The following WAC variants were observed in gnomAD, a reference collection of about 807,000 sequenced individuals.
The protein encoded by WAC is WW domain containing adaptor with coiled-coil.
Under a neutral mutation model 79.6 loss-of-function variants are expected in WAC, and 11 were observed. The observed-to-expected ratio is 0.14, with a 90% confidence interval of 0.09 to 0.23. The LOEUF is 0.23. Among genes scored for constraint, WAC ranks in the 10% least tolerant of loss-of-function variants. WAC has a pLI of 1.00. For synonymous variants in WAC, 304 were observed against 276.9 expected, an observed-to-expected ratio of 1.10 and a Z score of -0.97; for missense variants, 728 against 773.5, an observed-to-expected ratio of 0.94 and a Z score of 0.70.
chr10:28,535,416 TAA>T (rs1463808947), intron 2 of WAC, 144 bp from the exon 3 acceptor site: 2 of 998,002 alleles, frequency 2.0e-6, no homozygotes, highest in Non-Finnish European at 2.8e-6. Context: ...TGAGAAACTT[TAA>T]AGAGTAAAGC....
intron 9 of WAC, 117 bp from the exon 10 acceptor site, chr10:28,611,657 A>C: frequency 7.7e-7 from 1 of 1,300,380 alleles, no homozygotes; most frequent in Non-Finnish European, 1.0e-6. Context: ...TCTGGGTAAT[A>C]TGGGGGTGGG....
chr10:28,608,335 C>T lies in WAC; in HGVS notation c.1069C>T (p.Leu357Phe). The change falls in exon 8 of 14, where the codon CTT becomes TTT. Residue 357 changes from leucine (L) to phenylalanine (F), a missense_variant. By Grantham distance (22) the Leu-to-Phe change is conservative. Transcript: ENST00000354911. The stretch of plus-strand genomic sequence containing the variant: ...TCCACAGTCGCCAATACCTCCCTTA[C>T]TTCAGGACCCAAATCTTCTTAGACA... The part of the protein sequence containing the change: ...PVPQSPIPPL[L>F]QDPNLLRQLL... The T allele has an allele frequency of 1.2e-6, 2 of 1,614,188 alleles. No individual in the cohort carries two copies. The highest frequency in any genetic ancestry group is 1.7e-6 in the Non-Finnish European group (2 of 1,180,024).
intron 8 of WAC, among the ~76,000 whole-genome samples, 189 bp from the exon 9 acceptor site, chr10:28,610,510 C>T: frequency 6.6e-6 from 1 of 150,854 alleles, no homozygotes; most frequent in East Asian, 1.9e-4. Flanking sequence ...CATTAAGTTT[C>T]TTTTTCTCTG....
intron 3 of WAC, among the ~76,000 whole-genome samples, chr10:28,540,858 A>C (rs1222781396): frequency 2.0e-5 from 3 of 152,114 alleles, no homozygotes; most frequent in Non-Finnish European, 4.4e-5. Flanking sequence ...TAGCAGTCTT[A>C]ATGTTTCAAC....
At chr10:28,561,878 TATCTG>T (rs994520673) in intron 3 of WAC, among the ~76,000 whole-genome samples, 6 of 152,180 alleles carry the variant, frequency 3.9e-5, no homozygotes, top group Non-Finnish European at 8.8e-5. Flanking sequence ...ACTAATGCCT[TATCTG>T]AGGTGGAATC....
At chr10:28,555,007 T>C (rs532532847) in intron 3 of WAC, among the ~76,000 whole-genome samples, 7 of 152,330 alleles carry the variant, frequency 4.6e-5, no homozygotes, top group African/African-American at 1.7e-4. Flanking sequence ...GATGATAGTA[T>C]TTTAGTGTCT....
At chr10:28,586,736 T>C (rs989423641) in intron 4 of WAC, among the ~76,000 whole-genome samples, 3 of 152,118 alleles carry the variant, frequency 2.0e-5, no homozygotes, top group Non-Finnish European at 2.9e-5. Context: ...GTATGACTTG[T>C]AGATTATTTT....
At chr10:28,616,132 A>G (rs1841456343) in intron 11 of WAC, 41 bp from the exon 12 acceptor site, 2 of 1,459,526 alleles carry the variant, frequency 1.4e-6, no homozygotes, top group Non-Finnish European at 1.8e-6. Flanking sequence ...ATACCCAGAA[A>G]CTACTTTTAA....
Position 28,548,219 on chromosome 10 carries a change from C to T in WAC, c.274+12462C>T, listed in dbSNP as rs1009993313. Among the ~76,000 whole-genome samples, 4 of 151,896 alleles carry T rather than the reference C, an allele frequency of 2.6e-5. No individual in the cohort carries two copies. The South Asian group carries it at 6.2e-4, about 24-fold the overall frequency. On this transcript the variant is annotated intron_variant, in intron 3 of 13. Transcript: ENST00000354911. Reference sequence around the variant, plus strand: ...ATTTACAGGAGTGAGCCACCACGCCCGGCCAACATTTTAATTTTCTAAAGA... The same window carrying T: ...ATTTACAGGAGTGAGCCACCACGCCTGGCCAACATTTTAATTTTCTAAAGA...
rs746811783 is a variant in WAC, at chr10:28,533,553, C to A, written c.-27C>A. Reference sequence around the variant, plus strand: ...TTTCGCGGCCGCTCTCCCCCCTCCCCGACACACACTCACAGGCCGGGCATT... The same window carrying A: ...TTTCGCGGCCGCTCTCCCCCCTCCCAGACACACACTCACAGGCCGGGCATT... On this transcript the variant is annotated 5_prime_UTR_variant, in exon 1 of 14. Transcript: ENST00000354911. The A allele has an allele frequency of 3.4e-6, 5 of 1,462,710 alleles. No homozygotes were observed. The highest frequency in any genetic ancestry group is 3.7e-6 in the Non-Finnish European group (4 of 1,093,980). The allele number at this position is 1,462,710 out of a possible 1,614,324, so 90.6% of individuals were successfully genotyped here. A position where few individuals can be genotyped will look rare whatever the true frequency, so the allele number is the denominator to read the frequency against.
chr10:28,603,469 A>G (rs981051847), intron 7 of WAC, among the ~76,000 whole-genome samples: 1 of 152,172 alleles, frequency 6.6e-6, no homozygotes, highest in African/African-American at 2.4e-5. Flanking sequence ...AAAACACTAC[A>G]TTCTCTCACG....
chr10:28,574,950 GAATGAATC>G lies in WAC; in HGVS notation c.275-8438_275-8431del, dbSNP rs1373712756. On this transcript the variant is annotated intron_variant, in intron 3 of 13. Transcript: ENST00000354911. The stretch of plus-strand genomic sequence containing the variant: ...TACACAAGTAGATGTTTGAATGAAT[GAATGAATC>G]AATGAATCAAAGAAAAAGTTACATT... Among the ~76,000 whole-genome samples the G allele has an allele frequency of 4.0e-5, 6 of 151,814 alleles. No individual in the cohort carries two copies. The South Asian group carries it at 1.0e-3, about 26-fold the overall frequency.
At chr10:28,552,161 A>C (rs1289281638) in intron 3 of WAC, among the ~76,000 whole-genome samples, 1 of 152,176 alleles carries the variant, frequency 6.6e-6, no homozygotes, top group African/African-American at 2.4e-5. Context: ...AAATCAATAC[A>C]TTATTTGTTA....
chr10:28,567,571 A>G (rs1838717818), intron 3 of WAC, among the ~76,000 whole-genome samples: 1 of 152,128 alleles, frequency 6.6e-6, no homozygotes, highest in Non-Finnish European at 1.5e-5. Context: ...GCAAAGATGT[A>G]GGGTGGCGCA....
chr10:28,615,494 G>T (rs1841430244), intron 11 of WAC: 1 of 152,166 alleles, frequency 6.6e-6, no homozygotes, highest in Non-Finnish European at 1.5e-5. Flanking sequence ...TATCCTCAGT[G>T]ATGAAAACTC....
chr10:28,563,702 C>T (rs1838423324), intron 3 of WAC, among the ~76,000 whole-genome samples: 1 of 146,056 alleles, frequency 6.8e-6, no homozygotes. Flanking sequence ...GCCTCAGCCT[C>T]CTGAGTAGCT....
intron 3 of WAC, among the ~76,000 whole-genome samples, chr10:28,550,237 C>T (rs966601995): frequency 4.6e-5 from 7 of 150,780 alleles, no homozygotes; most frequent in African/African-American, 1.7e-4. Context: ...CTCAGCCACT[C>T]TCTGCCTTCT....
intron 3 of WAC, among the ~76,000 whole-genome samples, chr10:28,561,224 G>T (rs1838284609): frequency 6.6e-6 from 1 of 152,138 alleles, no homozygotes; most frequent in African/African-American, 2.4e-5. Flanking sequence ...AAATATTGAT[G>T]GCCAAGTTAC....
intron 3 of WAC, among the ~76,000 whole-genome samples, chr10:28,582,894 T>G (rs1436514109): frequency 6.6e-6 from 1 of 152,184 alleles, no homozygotes; most frequent in Non-Finnish European, 1.5e-5. Flanking sequence ...TGAGACTCTT[T>G]AACTTCTTGA....
Sources: gnomAD v4.1 joint callset for allele counts (sites outside exome capture counted in the v4.1 genomes callset) on GRCh38, gnomAD v4.1.1 for gene constraint, MANE v1.5 for transcripts, NCBI Gene and HGNC (gene_info 2026-07-23, HGNC 2026-07-21) for gene names.